ERC2: variants seen among roughly 807,000 people sequenced by gnomAD.
The protein encoded by ERC2 is ERC protein 2.
ERC2 carries 42 observed loss-of-function variants against 114.8 expected under a neutral mutation model. The ratio of observed to expected loss-of-function variants is 0.37; its 90% CI spans 0.29 to 0.47. The LOEUF is 0.47. Ranked by LOEUF, ERC2 falls within the 20% of genes least tolerant of loss-of-function variation. ERC2 has a pLI of 0.99. For missense variants in ERC2, 939 were observed against 1,150.7 expected (o/e 0.82, Z 2.66); for synonymous variants, 454 against 425.5 (o/e 1.07, Z -0.82).
chr3:55,844,935 A>G (rs1466451475), intron 14 of ERC2, among the ~76,000 whole-genome samples: 1 of 152,156 alleles, frequency 6.6e-6, no homozygotes, highest in Non-Finnish European at 1.5e-5. Context: ...TTTTCCACAG[A>G]CCAGTGAGGG....
intron 15 of ERC2, among the ~76,000 whole-genome samples, chr3:55,710,998 T>C (rs1033750990): frequency 6.6e-6 from 1 of 152,172 alleles, no homozygotes; most frequent in African/African-American, 2.4e-5. Flanking sequence ...GTCTTCTCAT[T>C]TGATTTGCAA....
intron 3 of ERC2, among the ~76,000 whole-genome samples, chr3:56,257,473 G>C (rs1271917060): frequency 6.6e-6 from 1 of 152,104 alleles, no homozygotes; most frequent in Admixed American, 6.6e-5. Context: ...CAATGCTAAG[G>C]CTCCATTTCC....
chr3:56,075,076 A>T (rs1383202215), intron 7 of ERC2, among the ~76,000 whole-genome samples: 1 of 152,178 alleles, frequency 6.6e-6, no homozygotes, highest in African/African-American at 2.4e-5. Flanking sequence ...TTCCAAACTG[A>T]ACCAAGAAAT....
intron 14 of ERC2, among the ~76,000 whole-genome samples, chr3:55,854,178 G>A (rs571752138): frequency 6.6e-6 from 1 of 152,124 alleles, no homozygotes; most frequent in Non-Finnish European, 1.5e-5. Context: ...GGGAAGCTGA[G>A]GCACGAGAAT....
chr3:55,660,631 GA>G (rs1419914938), intron 17 of ERC2, among the ~76,000 whole-genome samples: 1 of 152,182 alleles, frequency 6.6e-6, no homozygotes, highest in Non-Finnish European at 1.5e-5. Context: ...TGTTTAGCAG[GA>G]GTTTAAATAT....
intron 2 of ERC2, among the ~76,000 whole-genome samples, chr3:56,428,845 C>T (rs1576918525): frequency 1.3e-5 from 2 of 152,170 alleles, no homozygotes; most frequent in South Asian, 2.1e-4. Context: ...TCTTGGGTTA[C>T]GTTTCCCAAT....
At chr3:56,194,023 T>C (rs1394274427) in intron 3 of ERC2, among the ~76,000 whole-genome samples, 2 of 152,172 alleles carry the variant, frequency 1.3e-5, no homozygotes, top group African/African-American at 2.4e-5. Flanking sequence ...CATCAGCTCT[T>C]ATCAAATTAT....
intron 17 of ERC2, among the ~76,000 whole-genome samples, chr3:55,666,690 C>T (rs921013935): frequency 1.3e-5 from 2 of 151,974 alleles, no homozygotes; most frequent in African/African-American, 2.4e-5. Flanking sequence ...AGGCCAGGGA[C>T]GCTGCTAAGT....
chr3:55,893,812 TTATGCA>T (rs2063722256), intron 13 of ERC2, among the ~76,000 whole-genome samples: 5 of 152,200 alleles, frequency 3.3e-5, no homozygotes, highest in Non-Finnish European at 7.3e-5. Context: ...TAGAACATAA[TTATGCA>T]TGCATACACA....
chr3:56,262,495 C>T (rs2053006958), intron 3 of ERC2, among the ~76,000 whole-genome samples: 1 of 152,162 alleles, frequency 6.6e-6, no homozygotes, highest in Non-Finnish European at 1.5e-5. Flanking sequence ...CTCCAGTATA[C>T]TTTTGGCAAA....
At chr3:55,566,893 G>T (rs1292253755) in intron 17 of ERC2, among the ~76,000 whole-genome samples, 1 of 151,978 alleles carries the variant, frequency 6.6e-6, no homozygotes, top group Non-Finnish European at 1.5e-5. Context: ...TAGAGACAAG[G>T]TTTCACCATG....
chr3:56,452,966 C>T (rs1291308818), intron 1 of ERC2, among the ~76,000 whole-genome samples: 1 of 152,160 alleles, frequency 6.6e-6, no homozygotes, highest in Non-Finnish European at 1.5e-5. Flanking sequence ...CTTTCTTCCT[C>T]ATGAGTAAAA....
chr3:56,341,183 C>T (rs2058076757), intron 2 of ERC2, among the ~76,000 whole-genome samples: 1 of 152,198 alleles, frequency 6.6e-6, no homozygotes, highest in African/African-American at 2.4e-5. Context: ...GGGATGAGAT[C>T]TATTATTGGA....
chr3:55,673,030 T>A (rs1360664618), intron 17 of ERC2, among the ~76,000 whole-genome samples: 1 of 152,158 alleles, frequency 6.6e-6, no homozygotes, highest in Middle Eastern at 3.2e-3. Context: ...ATCTGATATA[T>A]TAGATTTCCC....
intron 17 of ERC2, among the ~76,000 whole-genome samples, chr3:55,544,693 AG>A (rs1287676586): frequency 6.6e-6 from 1 of 152,204 alleles, no homozygotes; most frequent in Non-Finnish European, 1.5e-5. Context: ...AAAGTCAAGA[AG>A]CCCCTTCTGA....
At chr3:56,214,477 G>A (rs2049312160) in intron 3 of ERC2, among the ~76,000 whole-genome samples, 1 of 152,170 alleles carries the variant, frequency 6.6e-6, no homozygotes, top group Non-Finnish European at 1.5e-5. Context: ...AAGCCTCCAA[G>A]AACTATGGGA....
chr3:55,795,914 G>T (rs1221463463), intron 14 of ERC2, among the ~76,000 whole-genome samples: 1 of 152,234 alleles, frequency 6.6e-6, no homozygotes, highest in Non-Finnish European at 1.5e-5. Flanking sequence ...CCAGGGACCA[G>T]AATACAGTCA....
At chr3:55,902,882 T>A (rs532395996) in intron 13 of ERC2, among the ~76,000 whole-genome samples, 3 of 152,330 alleles carry the variant, frequency 2.0e-5, no homozygotes, top group Admixed American at 2.0e-4. Flanking sequence ...AGTGGGCGGA[T>A]GGCAAAGGTC....
chr3:56,466,312 A>G (rs2107598591), intron 1 of ERC2, among the ~76,000 whole-genome samples: 1 of 152,336 alleles, frequency 6.6e-6, no homozygotes, highest in Admixed American at 6.5e-5. Flanking sequence ...CAACTTCTAT[A>G]AAGTGACAGC....
Sources: allele counts gnomAD v4.1 joint callset (sites outside exome capture counted in the v4.1 genomes callset), GRCh38; gene constraint gnomAD v4.1.1; transcripts MANE v1.5; gene names NCBI Gene and HGNC (gene_info 2026-07-23, HGNC 2026-07-21).